The following PARL variants were observed in gnomAD, a reference collection of about 807,000 sequenced individuals.
PARL encodes presenilin associated rhomboid like.
PARL carries 44 observed loss-of-function variants against 51.6 expected under a neutral mutation model. That is an observed-to-expected ratio of 0.85 (90% CI 0.67 to 1.10). PARL has a LOEUF of 1.10. Among genes scored for constraint, PARL ranks in the 50% least tolerant of loss-of-function variants. The pLI is 0.00. For missense variants in PARL, 441 were observed against 469.5 expected, an observed-to-expected ratio of 0.94 and a Z score of 0.56; for synonymous variants, 172 against 164.0, an observed-to-expected ratio of 1.05 and a Z score of -0.37.
chr3:183,878,994 G>A lies in PARL; in HGVS notation c.125+5728C>T, dbSNP rs1482497131. 2.6e-5 allele frequency among the ~76,000 whole-genome samples: 4 copies of A among 152,166 alleles called. No individual in the cohort carries two copies. The South Asian group carries it at 6.2e-4, about 24-fold the overall frequency. ...CAAACTGCTAGTTCATGAACCACTT[G>A]GAATAGCAAGGAGCTAGAACCTGAT... On this transcript the variant is annotated intron_variant, in intron 1 of 9. Transcript: ENST00000317096.
At chr3:183,874,100 T>A (rs1223349391) in intron 1 of PARL, among the ~76,000 whole-genome samples, 5 of 152,206 alleles carry the variant, frequency 3.3e-5, no homozygotes, top group Admixed American at 3.3e-4. Context: ...CTGTGTCACA[T>A]TTCCGTAATT....
At chr3:183,852,504 T>G (rs1385481280) in intron 4 of PARL, among the ~76,000 whole-genome samples, 1 of 151,926 alleles carries the variant, frequency 6.6e-6, no homozygotes, top group African/African-American at 2.4e-5. Context: ...GAGGGGGTAA[T>G]AGGGAGCTAT....
chr3:183,882,222 AATATATATATATATATATATATTT>A (rs1385019643), intron 1 of PARL, among the ~76,000 whole-genome samples: 1,212 of 45,892 alleles, frequency 0.026, 54 homozygotes, highest in African/African-American at 0.083. Context: ...AAAAAAAAAA[AATATATATATATATATATATATTT>A]ATATATATAT....
At chr3:183,846,787 C>A in intron 4 of PARL, 1 of 192,146 alleles carries the variant, frequency 5.2e-6, no homozygotes. Context: ...ATAAGACACA[C>A]TTAACAAATT....
chr3:183,849,659 T>C (rs1034747215), intron 4 of PARL, among the ~76,000 whole-genome samples: 19 of 151,348 alleles, frequency 1.3e-4, no homozygotes, highest in Non-Finnish European at 2.2e-4. Flanking sequence ...CGTAAATGAA[T>C]AGAAAAATAA....
chr3:183,882,350 T>C (rs1734646324), intron 1 of PARL, among the ~76,000 whole-genome samples: 2 of 143,962 alleles, frequency 1.4e-5, no homozygotes, highest in African/African-American at 2.6e-5. Flanking sequence ...CACACATATA[T>C]ACATATATGC....
At chr3:183,882,231 A>ATTTATATATATATT (rs1734561933) in intron 1 of PARL, among the ~76,000 whole-genome samples, 1 of 23,412 alleles carries the variant, frequency 4.3e-5, no homozygotes, top group African/African-American at 1.6e-4. Context: ...AAATATATAT[A>ATTTATATATATATT]TATATATATA....
chr3:183,876,375 T>C (rs956336510), intron 1 of PARL, among the ~76,000 whole-genome samples: 1 of 151,964 alleles, frequency 6.6e-6, no homozygotes, highest in Admixed American at 6.6e-5. Flanking sequence ...AGCCCAATGT[T>C]GCGACCAAAT....
At chr3:183,839,565 T>A (rs956954673) in intron 7 of PARL, among the ~76,000 whole-genome samples, 1 of 151,810 alleles carries the variant, frequency 6.6e-6, no homozygotes, top group Admixed American at 6.6e-5. Flanking sequence ...ATTACAAGCA[T>A]GCACAACCAC....
chr3:183,871,384 T>A (rs1733191919), intron 1 of PARL, among the ~76,000 whole-genome samples: 1 of 152,124 alleles, frequency 6.6e-6, no homozygotes. Context: ...AGACGAACAA[T>A]TCCAGCTGGG....
chr3:183,866,811 AG>A, intron 2 of PARL, 46 bp from the exon 3 acceptor site: 5 of 1,299,796 alleles, frequency 3.8e-6, no homozygotes, highest in Non-Finnish European at 5.5e-6. Context: ...AGAGGGAAAT[AG>A]ATCTATACAT....
chr3:183,833,634 G>T, intron 8 of PARL, 45 bp from the exon 9 acceptor site: 1 of 1,499,130 alleles, frequency 6.7e-7, no homozygotes, highest in Non-Finnish European at 9.3e-7. Context: ...GATTGCTCCA[G>T]CACTGACATT....
rs576756604 is a variant in PARL at position 183,847,275 on chromosome 3, C to T, written c.512-2949G>A. Among the ~76,000 whole-genome samples, 4 of 152,214 alleles carry T rather than the reference C, an allele frequency of 2.6e-5. No homozygotes were observed. In the South Asian group the frequency reaches 6.2e-4, roughly 24 times the overall value. ...ATAAAATCTACCTGAAAGGGTTGAA[C>T]GGGCCGGGTGTGGTGGCTCACGCCT... On this transcript the variant is annotated intron_variant, in intron 4 of 9. Transcript: ENST00000317096.
intron 4 of PARL, among the ~76,000 whole-genome samples, chr3:183,861,507 G>A (rs1731825492): frequency 6.6e-6 from 1 of 152,168 alleles, no homozygotes; most frequent in Admixed American, 6.5e-5. Flanking sequence ...CCTAAAGGAA[G>A]CAATGTCTGA....
intron 4 of PARL, among the ~76,000 whole-genome samples, chr3:183,847,573 A>C (rs1730105802): frequency 6.6e-6 from 1 of 151,402 alleles, no homozygotes; most frequent in Non-Finnish European, 1.5e-5. Flanking sequence ...CAAAATAAAT[A>C]AATAAATAAA....
At chr3:183,853,552 A>T (rs1730788371) in intron 4 of PARL, among the ~76,000 whole-genome samples, 1 of 152,166 alleles carries the variant, frequency 6.6e-6, no homozygotes, top group African/African-American at 2.4e-5. Context: ...ACTCTGTCTC[A>T]AAAAAACAAA....
chr3:183,862,174 GA>G (rs570026314), intron 4 of PARL, among the ~76,000 whole-genome samples: 86 of 152,182 alleles, frequency 5.7e-4, no homozygotes, highest in Non-Finnish European at 1.0e-3. Context: ...AATTTACAAA[GA>G]AAAAAAGTTA....
intron 4 of PARL, among the ~76,000 whole-genome samples, chr3:183,854,597 G>C (rs1218125920): frequency 6.6e-6 from 1 of 152,052 alleles, no homozygotes; most frequent in Non-Finnish European, 1.5e-5. Flanking sequence ...AGAAAAAGGG[G>C]ACGTATTGTT....
In PARL at chr3:183,876,741, A is replaced by G. The variant is rs1024304427; in HGVS notation, c.125+7981T>C. On this transcript the variant is annotated intron_variant, in intron 1 of 9. Transcript: ENST00000317096. Reference sequence around the variant, plus strand: ...ATGGATCTGGGCAAGGTAAACTGAAAAGCTTCTGGAAAGGATCTACCATTC... The same window carrying G: ...ATGGATCTGGGCAAGGTAAACTGAAGAGCTTCTGGAAAGGATCTACCATTC... Among the ~76,000 whole-genome samples the G allele has an allele frequency of 3.9e-5, 6 of 152,166 alleles. No individual in the cohort carries two copies. The East Asian group carries it at 1.2e-3, about 29-fold the overall frequency.
Sources: allele counts gnomAD v4.1 joint callset (sites outside exome capture counted in the v4.1 genomes callset), GRCh38; gene constraint gnomAD v4.1.1; transcripts MANE v1.5; gene names NCBI Gene and HGNC (gene_info 2026-07-23, HGNC 2026-07-21).